The following NRG4 variants were observed in gnomAD, a reference collection of about 807,000 sequenced individuals.
NRG4 encodes neuregulin 4.
Under a neutral mutation model 15.0 loss-of-function variants are expected in NRG4, and 10 were observed. The observed-to-expected ratio is 0.67, with a 90% CI of 0.41 to 1.13. NRG4 has a LOEUF of 1.13. Ranked by LOEUF, NRG4 falls within the 50% of genes most tolerant of loss-of-function variation. The pLI, the probability that NRG4 is intolerant of heterozygous loss-of-function variation, is 0.00. For synonymous variants in NRG4, 41 were observed against 50.1 expected, an observed-to-expected ratio of 0.82 and a Z score of 0.77; for missense variants, 139 against 140.2, an observed-to-expected ratio of 0.99 and a Z score of 0.04.
intron 5 of NRG4, 53 bp from the exon 6 acceptor site, chr15:75,943,707 CT>C: frequency 9.1e-7 from 1 of 1,096,462 alleles, no homozygotes; most frequent in Non-Finnish European, 1.4e-6. Context: ...ATGTTTCTTA[CT>C]ACGCACACCT....
At chr15:75,937,115 A>G (rs533288718), downstream of NRG4, 16 of 152,188 alleles carry the variant, frequency 1.1e-4, no homozygotes, top group Admixed American at 2.6e-4. Context: ...GTCTTGTAAT[A>G]AAATTATAGG....
At chr15:75,973,481 C>T (rs2033213040) in intron 3 of NRG4, among the ~76,000 whole-genome samples, 1 of 152,162 alleles carries the variant, frequency 6.6e-6, no homozygotes, top group Non-Finnish European at 1.5e-5. Context: ...TTTGCCCATC[C>T]AGTATGATAT....
At chr15:75,995,476 A>G (rs78434972) in intron 3 of NRG4, among the ~76,000 whole-genome samples, 6,015 of 152,208 alleles carry the variant, frequency 0.04, 213 homozygotes, top group African/African-American at 0.094. Flanking sequence ...CCATTCATAA[A>G]GGGTCTGCCC....
intron 4 of NRG4, among the ~76,000 whole-genome samples, chr15:76,048,394 C>T (rs1333710458): frequency 6.9e-6 from 1 of 144,324 alleles, no homozygotes; most frequent in Non-Finnish European, 1.5e-5. Flanking sequence ...ATCACTTGAA[C>T]GCAGGAGGCA....
intron 3 of NRG4, among the ~76,000 whole-genome samples, chr15:75,995,164 G>A (rs1421465962): frequency 6.6e-6 from 1 of 151,672 alleles, no homozygotes; most frequent in Non-Finnish European, 1.5e-5. Flanking sequence ...CTCCAGTATG[G>A]GAGTCGTCTC....
rs545042255 is a variant in NRG4, at chr15:75,977,601, G to A, written c.105-15627C>T. ...CCAACCCTTGTGCTTCCTGGGTGAG[G>A]TGACACCCCACCCTGCTTCGGCTCA... On this transcript the variant is annotated intron_variant, in intron 3 of 5. Transcript: ENST00000394907. The surrounding 1 kb of genome is among the most constrained non-coding windows in gnomAD (Gnocchi z 4.9). Among the ~76,000 whole-genome samples, 44 of 152,240 alleles carry A rather than the reference G, an allele frequency of 2.9e-4. No individual in the cohort carries two copies. The highest frequency in any genetic ancestry group is 1.3e-3 in the Admixed American group (20 of 15,298).
chr15:75,945,277 T>G (rs898138549), intron 5 of NRG4, among the ~76,000 whole-genome samples: 1 of 151,526 alleles, frequency 6.6e-6, no homozygotes, highest in Non-Finnish European at 1.5e-5. Flanking sequence ...TTATTTTATT[T>G]TTTTTGTGGA....
chr15:76,018,116 T>A (rs1038183872), intron 5 of NRG4, among the ~76,000 whole-genome samples: 27 of 152,184 alleles, frequency 1.8e-4, no homozygotes, highest in African/African-American at 6.3e-4. Flanking sequence ...CTTGATCGAT[T>A]TGGCTATTGA....
In NRG4 at chr15:76,022,451, C is replaced by T. The variant is rs981233352; in HGVS notation, c.-56-11165G>A. 5.5e-3 allele frequency among the ~76,000 whole-genome samples: 827 copies of T among 151,214 alleles called. 12 individuals are homozygous for T. Among genetic ancestry groups the T allele is most frequent in the African/African-American group, 0.019 (784 of 40,722 alleles). ...ACACACACACACACACACACACACA[C>T]ACACAATGCTTAACTGTTATGGAGA... On this transcript the variant is annotated intron_variant, in intron 5 of 8. Coordinates refer to the NRG4 transcript ENST00000563910.
chr15:76,000,310 A>T (rs999835640), intron 3 of NRG4, among the ~76,000 whole-genome samples: 2 of 152,220 alleles, frequency 1.3e-5, no homozygotes, highest in Non-Finnish European at 2.9e-5. Context: ...GGTAAAAGGA[A>T]AAATAAGCTA....
chr15:75,979,921 G>C (rs929925653), intron 3 of NRG4, among the ~76,000 whole-genome samples: 3 of 152,022 alleles, frequency 2.0e-5, no homozygotes, highest in African/African-American at 7.2e-5. Flanking sequence ...TTCTTTGTTA[G>C]CTTTTGTATC....
upstream of NRG4, among the ~76,000 whole-genome samples, chr15:76,060,206 G>A (rs1387272543): frequency 1.3e-5 from 2 of 152,040 alleles, no homozygotes; most frequent in African/African-American, 4.8e-5. Context: ...GGCAGCCCAG[G>A]GCTTCAGCTC....
chr15:76,001,569 A>G lies in NRG4; in HGVS notation c.104+7631T>C, dbSNP rs574189290. 2.6e-5 allele frequency among the ~76,000 whole-genome samples: 4 copies of G among 152,276 alleles called. No individual in the cohort carries two copies. In the East Asian group the frequency reaches 7.7e-4, roughly 29 times the overall value. On this transcript the variant is annotated intron_variant, in intron 3 of 5. Transcript: ENST00000394907. ...CTACCATATGGGACCACACAAGTAT[A>G]CAATGTTTGTTCTTTGCTTCATTTG...
chr15:75,998,892 A>G (rs2034305645), intron 3 of NRG4, among the ~76,000 whole-genome samples: 1 of 152,234 alleles, frequency 6.6e-6, no homozygotes, highest in African/African-American at 2.4e-5. Context: ...AATTTTTTAT[A>G]TTCTTCTGGA....
Position 75,943,540 on chromosome 15 carries a change from G to T in NRG4, c.*98C>A. 1.3e-6 allele frequency: 1 copy of T among 770,510 alleles called. No individual in the cohort carries two copies. The allele number at this position is 770,510 out of a possible 1,614,324, so 47.7% of individuals were successfully genotyped here. On this transcript the variant is annotated 3_prime_UTR_variant, in exon 6 of 6. Transcript: ENST00000394907. ...CGAGTTACACAAGCGTTTTATTTAAGAAATAAAGGATTAGATTTTTAATTC... is the reference window on the plus strand; with the variant it reads ...CGAGTTACACAAGCGTTTTATTTAATAAATAAAGGATTAGATTTTTAATTC...
rs192119801 is a variant in NRG4 at position 75,996,747 on chromosome 15, A to T, written c.104+12453T>A. 5.7e-3 allele frequency among the ~76,000 whole-genome samples: 863 copies of T among 152,286 alleles called. 12 individuals are homozygous for T. The highest frequency in any genetic ancestry group is 0.024 in the South Asian group (117 of 4,822). On this transcript the variant is annotated intron_variant, in intron 3 of 5. Transcript: ENST00000394907. Reference sequence around the variant, plus strand: ...TACATTTGTTTATAGTCTTGGTAGGAATCAGATGAAATGGCTGTGTCAGAA... The same window carrying T: ...TACATTTGTTTATAGTCTTGGTAGGTATCAGATGAAATGGCTGTGTCAGAA...
intron 5 of NRG4, among the ~76,000 whole-genome samples, chr15:75,944,599 T>C (rs1182705499): frequency 6.6e-6 from 1 of 152,146 alleles, no homozygotes; most frequent in Admixed American, 6.5e-5. Context: ...GGAAGGTCAT[T>C]AATAAGTTTT....
intron 4 of NRG4, among the ~76,000 whole-genome samples, chr15:76,047,090 C>T (rs1341011296): frequency 6.6e-6 from 1 of 150,510 alleles, no homozygotes; most frequent in Non-Finnish European, 1.5e-5. Context: ...CAGAGAAATG[C>T]AAATCAAAAC....
At chr15:75,969,081 CAATT>C (rs2032971405) in intron 3 of NRG4, 6 of 404,150 alleles carry the variant, frequency 1.5e-5, no homozygotes, top group South Asian at 1.1e-4. Flanking sequence ...ACCAGACACT[CAATT>C]AAACCACAGT....
Sources: allele counts gnomAD v4.1 joint callset (sites outside exome capture counted in the v4.1 genomes callset), GRCh38; gene constraint gnomAD v4.1.1; non-coding constraint Gnocchi (gnomAD v3.1); transcripts MANE v1.5; gene names NCBI Gene and HGNC (gene_info 2026-07-23, HGNC 2026-07-21).